TNR: variants seen among roughly 807,000 people sequenced by gnomAD.
TNR encodes the protein tenascin R, also known as tenascin-R.
Under a neutral mutation model 150.4 loss-of-function variants are expected in TNR, and 45 were observed. The observed-to-expected ratio is 0.30, with a 90% CI of 0.24 to 0.38. TNR has a LOEUF of 0.38. TNR is among the 10% of genes least tolerant of loss of function. The pLI is 1.00. For missense variants in TNR, 1,544 were observed against 1,759.1 expected (o/e 0.88, Z 2.19); for synonymous variants, 687 against 678.4 (o/e 1.01, Z -0.20).
At chr1:175,677,869 G>A (rs1168835181) in intron 1 of TNR, among the ~76,000 whole-genome samples, 1 of 152,134 alleles carries the variant, frequency 6.6e-6, no homozygotes, top group Admixed American at 6.5e-5. Context: ...GAAATGAAAG[G>A]TGTTTTTATT....
At chr1:175,602,204 A>G (rs890380269) in intron 1 of TNR, among the ~76,000 whole-genome samples, 3 of 85,584 alleles carry the variant, frequency 3.5e-5, no homozygotes, top group Non-Finnish European at 4.5e-5. Flanking sequence ...GACCAAAGGC[A>G]AAAAAAAAAA....
chr1:175,565,106 T>C (rs1309834303), intron 1 of TNR, among the ~76,000 whole-genome samples: 4 of 152,260 alleles, frequency 2.6e-5, no homozygotes, highest in African/African-American at 4.8e-5. Context: ...CCATAAAGAA[T>C]CCTGGATCTT....
At chr1:175,662,606 G>A (rs1158465489) in intron 1 of TNR, among the ~76,000 whole-genome samples, 1 of 152,222 alleles carries the variant, frequency 6.6e-6, no homozygotes, top group African/African-American at 2.4e-5. Context: ...AAACCTGTGA[G>A]GCAGGCAGGG....
chr1:175,615,360 G>GT (rs1663736313), intron 1 of TNR, among the ~76,000 whole-genome samples: 1 of 152,212 alleles, frequency 6.6e-6, no homozygotes, highest in Non-Finnish European at 1.5e-5. Context: ...TGATTAAACA[G>GT]TAACTCCTCC....
intron 1 of TNR, among the ~76,000 whole-genome samples, chr1:175,678,184 A>G (rs572974153): frequency 6.6e-6 from 1 of 152,348 alleles, no homozygotes; most frequent in South Asian, 2.1e-4. Context: ...TAGAAACAGC[A>G]TCCCTTCCTA....
At chr1:175,695,037 C>G (rs1423170651) in intron 1 of TNR, among the ~76,000 whole-genome samples, 2 of 152,170 alleles carry the variant, frequency 1.3e-5, no homozygotes, top group African/African-American at 4.8e-5. Context: ...TTGACACTCC[C>G]CCTTCAAAAG....
chr1:175,728,213 T>A (rs1310201994), intron 1 of TNR, among the ~76,000 whole-genome samples: 2 of 152,110 alleles, frequency 1.3e-5, no homozygotes, highest in Non-Finnish European at 2.9e-5. Flanking sequence ...AGGGTGAGGC[T>A]ATGGATGGCT....
intron 2 of TNR, among the ~76,000 whole-genome samples, chr1:175,446,846 T>G (rs1338655841): frequency 6.6e-6 from 1 of 152,106 alleles, no homozygotes; most frequent in Non-Finnish European, 1.5e-5. Context: ...GGACTTTTGT[T>G]GTGTGTATGT....
At chr1:175,450,356 G>C (rs1435320076) in intron 2 of TNR, among the ~76,000 whole-genome samples, 1 of 152,162 alleles carries the variant, frequency 6.6e-6, no homozygotes, top group Non-Finnish European at 1.5e-5. Flanking sequence ...ACTGTCAGCT[G>C]ATCTTAACCT....
intron 2 of TNR, among the ~76,000 whole-genome samples, chr1:175,459,192 T>C (rs1272721718): frequency 6.7e-6 from 1 of 149,932 alleles, no homozygotes; most frequent in Non-Finnish European, 1.5e-5. Context: ...ATTGCCATTA[T>C]CACCACCACC....
rs1210994915 is a variant in TNR, at chr1:175,741,985, CT to C, written c.-165+1240del. Among the ~76,000 whole-genome samples, 5 of 152,304 alleles carry C rather than the reference CT, an allele frequency of 3.3e-5. No homozygotes were observed. The East Asian group carries it at 9.7e-4, about 29-fold the overall frequency. On this transcript the variant is annotated intron_variant, in intron 1 of 22. Coordinates refer to ENST00000367674, the MANE Select transcript of TNR (RefSeq NM_003285.3). Reference sequence around the variant, plus strand: ...CTTGCTCCTACAAGAAGCCACATCTCTTTCAAGTTCCCTGTAGGATGCTGGC... The same window carrying C: ...CTTGCTCCTACAAGAAGCCACATCTCTTCAAGTTCCCTGTAGGATGCTGGC...
intron 2 of TNR, among the ~76,000 whole-genome samples, chr1:175,450,760 A>G (rs904923561): frequency 2.0e-5 from 3 of 152,200 alleles, no homozygotes; most frequent in Admixed American, 6.5e-5. Flanking sequence ...CACAGCAGTT[A>G]GGGGTAGTGG....
intron 1 of TNR, among the ~76,000 whole-genome samples, chr1:175,578,075 T>G (rs1662193477): frequency 6.6e-6 from 1 of 152,142 alleles, no homozygotes; most frequent in Admixed American, 6.5e-5. Context: ...TCAATATATG[T>G]TAGCGCTTGT....
chr1:175,413,850 G>A (rs1032884879), intron 2 of TNR, among the ~76,000 whole-genome samples: 1 of 152,166 alleles, frequency 6.6e-6, no homozygotes, highest in Admixed American at 6.5e-5. Flanking sequence ...GACGTAGAGA[G>A]AGTTGGGCAC....
Position 175,365,413 on chromosome 1 carries a change from T to C in TNR, c.2318-134A>G, listed in dbSNP as rs536190044. The C allele has an allele frequency of 4.5e-5, 45 of 989,890 alleles. 1 individual carries two copies. In the South Asian group the frequency reaches 8.2e-4, roughly 18 times the overall value. 61.3% of individuals were successfully genotyped at this position (989,890 alleles called of 1,614,324 possible). A position where few individuals can be genotyped will look rare whatever the true frequency, so the allele number is the denominator to read the frequency against. ...CACCTTCACCCACTAACCAAGAGAT[T>C]CCACCTCCTCACCCTCCAGTGCTGT... On this transcript the variant is annotated intron_variant, in intron 11 of 22. Coordinates refer to ENST00000367674, the MANE Select transcript of TNR (RefSeq NM_003285.3).
At chr1:175,366,250 T>G in intron 10 of TNR, 112 bp from the exon 11 acceptor site, 1 of 1,141,032 alleles carries the variant, frequency 8.8e-7, no homozygotes, top group Non-Finnish European at 1.2e-6. Flanking sequence ...CTATGAGCAC[T>G]AGCTTGTCAT....
intron 1 of TNR, among the ~76,000 whole-genome samples, chr1:175,547,254 A>G (rs948717318): frequency 6.6e-6 from 1 of 152,138 alleles, no homozygotes; most frequent in Non-Finnish European, 1.5e-5. Context: ...TCCACATCTG[A>G]CTGATCCCCA....
intron 2 of TNR, among the ~76,000 whole-genome samples, chr1:175,453,871 C>T (rs1656436991): frequency 6.6e-6 from 1 of 152,106 alleles, no homozygotes; most frequent in East Asian, 1.9e-4. Flanking sequence ...CTGTGCCTGG[C>T]TGTTTTTATT....
At chr1:175,434,498 C>T (rs1339719340) in intron 2 of TNR, among the ~76,000 whole-genome samples, 1 of 152,120 alleles carries the variant, frequency 6.6e-6, no homozygotes, top group Non-Finnish European at 1.5e-5. Context: ...CCGCCATTTG[C>T]CCTGGAGTTG....
Sources: allele counts gnomAD v4.1 joint callset (sites outside exome capture counted in the v4.1 genomes callset), GRCh38; gene constraint gnomAD v4.1.1; transcripts MANE v1.5; gene names NCBI Gene and HGNC (gene_info 2026-07-23, HGNC 2026-07-21).